FRMD3: variants seen among roughly 807,000 people sequenced by gnomAD.
The protein encoded by FRMD3 is FERM domain containing 3, also known as FERM domain-containing protein 3.
Under a neutral mutation model 70.2 loss-of-function variants are expected in FRMD3, and 33 were observed. The ratio of observed to expected loss-of-function variants is 0.47; its 90% CI spans 0.36 to 0.63. The LOEUF is 0.63. Ranked by LOEUF, FRMD3 falls within the 20% of genes least tolerant of loss-of-function variation. The pLI is 0.00. For missense variants in FRMD3, 632 were observed against 711.4 expected (o/e 0.89, Z 1.27); for synonymous variants, 279 against 255.9 (o/e 1.09, Z -0.86).
At chr9:83,535,844 T>C (rs1829881725) in intron 1 of FRMD3, among the ~76,000 whole-genome samples, 1 of 151,984 alleles carries the variant, frequency 6.6e-6, no homozygotes, top group Admixed American at 6.6e-5. Flanking sequence ...CCTTTAACTT[T>C]GTAGTTCTAT....
chr9:83,352,431 A>G (rs913090245), intron 3 of FRMD3, among the ~76,000 whole-genome samples: 2 of 152,198 alleles, frequency 1.3e-5, no homozygotes, highest in Admixed American at 6.5e-5. Context: ...CTCAGATACA[A>G]ATAGTGACTC....
chr9:83,396,280 G>C (rs564142519), intron 1 of FRMD3, among the ~76,000 whole-genome samples: 10 of 152,304 alleles, frequency 6.6e-5, no homozygotes, highest in Non-Finnish European at 8.8e-5. Flanking sequence ...AAGGAGCACT[G>C]GGTTACCCAC....
In FRMD3 at chr9:83,510,585, T is replaced by C. The variant is rs1829316699; in HGVS notation, c.147+27500A>G. ...ACACAAATACTCATAGCAGCACTAT[T>C]CCTAGTAGTCAAAAAGTAGAAACAA... On this transcript the variant is annotated intron_variant, in intron 1 of 13. Coordinates refer to ENST00000304195, the MANE Select transcript of FRMD3 (RefSeq NM_174938.6). Among the ~76,000 whole-genome samples, 3 of 152,310 alleles carry C rather than the reference T, an allele frequency of 2.0e-5. No homozygotes were observed. The South Asian group carries it at 6.2e-4, about 32-fold the overall frequency.
chr9:83,262,612 T>C (rs772994551), intron 13 of FRMD3, among the ~76,000 whole-genome samples: 75 of 152,222 alleles, frequency 4.9e-4, no homozygotes, highest in Non-Finnish European at 1.8e-4. Flanking sequence ...CTCTTTAGCC[T>C]GGTACAAAAA....
the FRMD3 span, among the ~76,000 whole-genome samples, chr9:83,581,210 T>C: frequency 2.6e-5 from 4 of 152,076 alleles, no homozygotes; most frequent in Non-Finnish European, 5.9e-5. Context: ...GAGAAAATAT[T>C]TGCAAATTAC....
intron 6 of FRMD3, among the ~76,000 whole-genome samples, chr9:83,332,700 C>T (rs1205229270): frequency 6.6e-6 from 1 of 152,182 alleles, no homozygotes; most frequent in Non-Finnish European, 1.5e-5. Context: ...TATTTCTCAG[C>T]TGATTCAGAA....
chr9:83,563,324 T>A, the FRMD3 span, among the ~76,000 whole-genome samples: 1 of 151,972 alleles, frequency 6.6e-6, no homozygotes, highest in South Asian at 2.1e-4. Context: ...GAGTGCAGAG[T>A]GGGGGACTGT....
intron 1 of FRMD3, among the ~76,000 whole-genome samples, chr9:83,510,788 G>A (rs760848624): frequency 4.5e-4 from 69 of 152,126 alleles, no homozygotes; most frequent in Non-Finnish European, 8.5e-4. Flanking sequence ...GTATCATTCC[G>A]TTTCCATGAA....
At chr9:83,399,052 C>T (rs1161416557) in intron 1 of FRMD3, among the ~76,000 whole-genome samples, 1 of 152,196 alleles carries the variant, frequency 6.6e-6, no homozygotes, top group East Asian at 1.9e-4. Context: ...GATAGACATA[C>T]AGTCAACATC....
intron 13 of FRMD3, among the ~76,000 whole-genome samples, chr9:83,259,106 T>C (rs955470205): frequency 6.6e-6 from 1 of 152,110 alleles, no homozygotes; most frequent in African/African-American, 2.4e-5. Flanking sequence ...ATTTGATGGG[T>C]AGGGGTCGGG....
the FRMD3 span, among the ~76,000 whole-genome samples, chr9:83,550,679 TCCTAG>T: frequency 7.2e-6 from 1 of 138,458 alleles, no homozygotes; most frequent in Non-Finnish European, 1.6e-5. Flanking sequence ...TTAGCTGTAG[TCCTAG>T]GTAGTGTGTG....
At chr9:83,379,559 C>A (rs1198016903) in intron 2 of FRMD3, among the ~76,000 whole-genome samples, 1 of 152,060 alleles carries the variant, frequency 6.6e-6, no homozygotes, top group African/African-American at 2.4e-5. Flanking sequence ...AAGCTAAGAC[C>A]CCATCATTGA....
At chr9:83,498,176 A>G (rs1056085024) in intron 1 of FRMD3, among the ~76,000 whole-genome samples, 2 of 152,144 alleles carry the variant, frequency 1.3e-5, no homozygotes, top group African/African-American at 4.8e-5. Context: ...TCTCCAAAAA[A>G]AAAAAAATTT....
the FRMD3 span, among the ~76,000 whole-genome samples, chr9:83,577,708 T>C: frequency 6.6e-6 from 1 of 152,014 alleles, no homozygotes; most frequent in Non-Finnish European, 1.5e-5. Flanking sequence ...CTGGACTTTA[T>C]TGTTTTTATA....
upstream of FRMD3, among the ~76,000 whole-genome samples, chr9:83,541,845 C>T (rs1475845455): frequency 1.3e-5 from 2 of 152,238 alleles, no homozygotes; most frequent in South Asian, 2.1e-4. Context: ...AAGATTTCTA[C>T]ACCAGGTGAA....
At chr9:83,454,079 T>C (rs1827748480) in intron 1 of FRMD3, among the ~76,000 whole-genome samples, 1 of 152,196 alleles carries the variant, frequency 6.6e-6, no homozygotes, top group African/African-American at 2.4e-5. Flanking sequence ...TGTTATAATT[T>C]TATTCAACAG....
chr9:83,423,869 T>G (rs1826722539), intron 1 of FRMD3, among the ~76,000 whole-genome samples: 1 of 152,100 alleles, frequency 6.6e-6, no homozygotes, highest in Admixed American at 6.5e-5. Flanking sequence ...GTGCTGGGAT[T>G]ACAGGCATGA....
At chr9:83,443,649 T>C (rs1339540068) in intron 1 of FRMD3, among the ~76,000 whole-genome samples, 1 of 152,250 alleles carries the variant, frequency 6.6e-6, no homozygotes, top group Non-Finnish European at 1.5e-5. Context: ...CCTTTGGGTA[T>C]ATACCCAGTA....
intron 1 of FRMD3, among the ~76,000 whole-genome samples, chr9:83,505,036 ATGGCAAAAAAAATGTTCATGCATTTAC>A (rs967461553): frequency 2.6e-5 from 4 of 152,094 alleles, no homozygotes; most frequent in African/African-American, 9.7e-5. Context: ...ATTCATTCTT[ATGGCAAAAAAAATGTTCATGCATTTAC>A]TCTGTGCCAT....
Sources: gnomAD v4.1 joint callset for allele counts (sites outside exome capture counted in the v4.1 genomes callset) on GRCh38, gnomAD v4.1.1 for gene constraint, MANE v1.5 for transcripts, NCBI Gene and HGNC (gene_info 2026-07-23, HGNC 2026-07-21) for gene names.